The following ITPR2 variants were observed in gnomAD, a reference collection of about 807,000 sequenced individuals.
ITPR2 encodes inositol 1,4,5-trisphosphate receptor type 2, also known as inositol 1,4,5-trisphosphate-gated calcium channel ITPR2.
ITPR2 carries 207 observed loss-of-function variants against 317.1 expected under a neutral mutation model. The ratio of observed to expected loss-of-function variants is 0.65; its 90% CI spans 0.58 to 0.73. The LOEUF (loss-of-function observed/expected upper bound fraction) is 0.73, where lower values mean the gene tolerates loss of function less well. Ranked by LOEUF, ITPR2 falls within the 30% of genes least tolerant of loss-of-function variation. The pLI, the probability that ITPR2 is intolerant of heterozygous loss-of-function variation, is 0.00. For missense variants in ITPR2, 2,613 were observed against 3,284.0 expected (o/e 0.80, Z 4.99); for synonymous variants, 1,156 against 1,149.1 (o/e 1.01, Z -0.12).
chr12:26,428,137 A>G, intron 48 of ITPR2, 49 bp from the exon 49 acceptor site: 1 of 1,416,144 alleles, frequency 7.1e-7, no homozygotes, highest in Non-Finnish European at 9.5e-7. Context: ...AAACTAAAAA[A>G]TGCTAAAATA....
chr12:26,804,309 T>A (rs1364828757), intron 1 of ITPR2, among the ~76,000 whole-genome samples: 1 of 152,218 alleles, frequency 6.6e-6, no homozygotes, highest in African/African-American at 2.4e-5. Flanking sequence ...ATCCCTCTTT[T>A]AAGACATTTC....
At chr12:26,351,639 G>A (rs1213440199) in intron 55 of ITPR2, among the ~76,000 whole-genome samples, 7 of 152,040 alleles carry the variant, frequency 4.6e-5, no homozygotes, top group South Asian at 2.1e-4. Context: ...TGGGTGACAC[G>A]GTGAGACCCT....
intron 9 of ITPR2, among the ~76,000 whole-genome samples, chr12:26,708,044 T>C (rs965042245): frequency 1.3e-5 from 2 of 152,036 alleles, no homozygotes; most frequent in African/African-American, 4.8e-5. Flanking sequence ...AAAACTACAA[T>C]AAGATATCAT....
rs1449625875 is a variant in ITPR2, at chr12:26,602,611, G to A, written c.3552+6C>T. On this transcript the variant is annotated splice_donor_region_variant and intron_variant, in intron 27 of 56. Coordinates refer to ENST00000381340, the MANE Select transcript of ITPR2 (RefSeq NM_002223.4). Reference sequence around the variant, plus strand: ...ACCTATATAAGAATATTTTGTATCTGCCGACCTCCTTTACAATCCGGTAGT... The same window carrying A: ...ACCTATATAAGAATATTTTGTATCTACCGACCTCCTTTACAATCCGGTAGT... The A allele has an allele frequency of 6.2e-7, 1 of 1,602,700 alleles. No homozygotes were observed. The highest frequency in any genetic ancestry group is 1.3e-5 in the African/African-American group (1 of 74,844).
chr12:26,424,307 A>G (rs1940979188), intron 49 of ITPR2, among the ~76,000 whole-genome samples: 1 of 152,166 alleles, frequency 6.6e-6, no homozygotes. Context: ...TGATTTGCCT[A>G]AAGTGTAGAA....
chr12:26,339,228 A>G lies in ITPR2; in HGVS notation c.*169T>C. 1 of 603,072 alleles carries G rather than the reference A, an allele frequency of 1.7e-6. No homozygotes were observed. Among genetic ancestry groups the G allele is most frequent in the Non-Finnish European group, 3.0e-6 (1 of 334,330 alleles). 37.4% of individuals were successfully genotyped at this position (603,072 alleles called of 1,614,324 possible). ...TTGAGGTTAGGTCTTCGCAACCATG[A>G]AAACACAGTTATAAATTGTTCTCGG... On this transcript the variant is annotated 3_prime_UTR_variant, in exon 57 of 57. Coordinates refer to ENST00000381340, the MANE Select transcript of ITPR2 (RefSeq NM_002223.4).
chr12:26,448,573 T>C (rs1941666268), intron 45 of ITPR2, among the ~76,000 whole-genome samples: 1 of 152,112 alleles, frequency 6.6e-6, no homozygotes, highest in Non-Finnish European at 1.5e-5. Context: ...TTACATATCA[T>C]AATATTAAAG....
At chr12:26,537,549 A>G (rs1159446545) in intron 37 of ITPR2, among the ~76,000 whole-genome samples, 2 of 152,212 alleles carry the variant, frequency 1.3e-5, no homozygotes, top group African/African-American at 2.4e-5. Context: ...ATATAAGTAC[A>G]TGTCTCTGAG....
intron 2 of ITPR2, among the ~76,000 whole-genome samples, chr12:26,786,449 T>TAAAAAAAAAAAAAAAAAA (rs59014121): frequency 1.3e-4 from 16 of 119,186 alleles, no homozygotes; most frequent in African/African-American, 5.6e-4. Flanking sequence ...GAATGATCAA[T>TAAAAAAAAAAAAAAAAAA]AAAAAAAAAA....
chr12:26,708,218 C>T (rs550739059), intron 9 of ITPR2, among the ~76,000 whole-genome samples: 3 of 152,216 alleles, frequency 2.0e-5, no homozygotes, highest in East Asian at 1.9e-4. Context: ...AATAGAGCTA[C>T]CATATGATCC....
intron 32 of ITPR2, among the ~76,000 whole-genome samples, chr12:26,581,565 T>G (rs1289421451): frequency 6.6e-6 from 1 of 152,168 alleles, no homozygotes; most frequent in African/African-American, 2.4e-5. Flanking sequence ...GTTTGTGAAA[T>G]GAATTAATAA....
intron 3 of ITPR2, 118 bp downstream of exon 3, chr12:26,725,532 A>C: frequency 3.0e-6 from 2 of 673,620 alleles, no homozygotes; most frequent in South Asian, 3.7e-5. Context: ...GTGTTGCTAT[A>C]TGTATTCTAA....
At chr12:26,441,256 G>C (rs567564298) in intron 46 of ITPR2, among the ~76,000 whole-genome samples, 1 of 152,282 alleles carries the variant, frequency 6.6e-6, no homozygotes, top group South Asian at 2.1e-4. Context: ...CAGATCATTA[G>C]AGGGCAATTC....
chr12:26,555,137 C>T (rs1188319799), intron 36 of ITPR2, among the ~76,000 whole-genome samples: 1 of 152,204 alleles, frequency 6.6e-6, no homozygotes, highest in African/African-American at 2.4e-5. Context: ...CCCACCTATT[C>T]TTCAACATGA....
chr12:26,448,755 C>T (rs1202441586), intron 45 of ITPR2, among the ~76,000 whole-genome samples: 1 of 152,058 alleles, frequency 6.6e-6, no homozygotes, highest in East Asian at 1.9e-4. Context: ...GAAAATCATG[C>T]ATATCATTAT....
intron 1 of ITPR2, among the ~76,000 whole-genome samples, chr12:26,819,155 A>C (rs946853549): frequency 6.6e-5 from 10 of 152,218 alleles, no homozygotes; most frequent in Admixed American, 6.5e-4. Flanking sequence ...TAATTTGTAC[A>C]TATCTATATT....
chr12:26,567,978 T>TAA (rs1555157717), intron 34 of ITPR2, among the ~76,000 whole-genome samples: 107 of 27,168 alleles, frequency 3.9e-3, no homozygotes, highest in South Asian at 0.01. Flanking sequence ...ATTATATATA[T>TAA]TATATATATA....
At chr12:26,485,487 G>T (rs996814687) in intron 41 of ITPR2, among the ~76,000 whole-genome samples, 1 of 152,124 alleles carries the variant, frequency 6.6e-6, no homozygotes, top group Non-Finnish European at 1.5e-5. Flanking sequence ...TCTGGCCTTG[G>T]CCTGCCTGTG....
At chr12:26,436,076 C>T in intron 48 of ITPR2, 145 bp downstream of exon 48, 1 of 683,656 alleles carries the variant, frequency 1.5e-6, no homozygotes, top group East Asian at 3.2e-5. Flanking sequence ...CACTTTTCTG[C>T]CTGTTCTATT....
Sources: gnomAD v4.1 joint callset for allele counts (sites outside exome capture counted in the v4.1 genomes callset) on GRCh38, gnomAD v4.1.1 for gene constraint, MANE v1.5 for transcripts, NCBI Gene and HGNC (gene_info 2026-07-23, HGNC 2026-07-21) for gene names.